Variants in TCF7L1 observed in about 807,000 individuals in gnomAD.
TCF7L1 encodes the protein transcription factor 7 like 1.
TCF7L1 carries 18 observed loss-of-function variants against 63.7 expected under a neutral mutation model. The observed-to-expected ratio is 0.28, with a 90% CI of 0.20 to 0.42. The LOEUF is 0.42. Ranked by LOEUF, TCF7L1 falls within the 10% of genes least tolerant of loss-of-function variation. TCF7L1 has a pLI of 1.00. For synonymous variants in TCF7L1, 355 were observed against 340.9 expected (o/e 1.04, Z -0.46); for missense variants, 654 against 779.3 (o/e 0.84, Z 1.91).
intron 3 of TCF7L1, chr2:85,186,903 G>A (rs1455046173): frequency 6.6e-6 from 1 of 152,150 alleles, no homozygotes; most frequent in East Asian, 1.9e-4. Flanking sequence ...AAACAACAAC[G>A]AACTGCCACC....
chr2:85,264,982 C>G (rs1680934787), intron 3 of TCF7L1, among the ~76,000 whole-genome samples: 1 of 152,092 alleles, frequency 6.6e-6, no homozygotes, highest in Non-Finnish European at 1.5e-5. Flanking sequence ...CCATTTTTAC[C>G]AGAAACTTCC....
chr2:85,229,305 C>G (rs1680022919), intron 3 of TCF7L1, among the ~76,000 whole-genome samples: 3 of 152,142 alleles, frequency 2.0e-5, no homozygotes, highest in Admixed American at 2.0e-4. Flanking sequence ...TGAGATCGTG[C>G]CAGTGCACTC....
At chr2:85,185,595 A>G (rs1228931674) in intron 3 of TCF7L1, among the ~76,000 whole-genome samples, 1 of 152,104 alleles carries the variant, frequency 6.6e-6, no homozygotes, top group East Asian at 1.9e-4. Context: ...TATGTGGCCC[A>G]GCTCCAGAGA....
intron 3 of TCF7L1, among the ~76,000 whole-genome samples, chr2:85,275,684 G>T (rs368305670): frequency 6.6e-6 from 1 of 152,112 alleles, no homozygotes; most frequent in African/African-American, 2.4e-5. Flanking sequence ...ATTGGGAGGT[G>T]AAGGCGGGCA....
intron 11 of TCF7L1, 58 bp downstream of exon 11, chr2:85,307,775 GC>G: frequency 6.7e-7 from 1 of 1,493,024 alleles, no homozygotes; most frequent in Non-Finnish European, 9.3e-7. Context: ...AGCCACACCT[GC>G]CCATGCTGTC....
At chr2:85,140,155 C>T (rs55974301) in intron 3 of TCF7L1, among the ~76,000 whole-genome samples, 4,019 of 152,230 alleles carry the variant, frequency 0.026, 75 homozygotes, top group Non-Finnish European at 0.034. Context: ...CAAGCTCAGG[C>T]ACCTGGAGAC....
intron 3 of TCF7L1, among the ~76,000 whole-genome samples, chr2:85,279,609 A>G (rs1392642265): frequency 1.3e-5 from 2 of 152,132 alleles, no homozygotes; most frequent in African/African-American, 2.4e-5. Context: ...TGTGATGCAG[A>G]GGCCGTCCAT....
At chr2:85,254,553 C>T (rs1680664070) in intron 3 of TCF7L1, among the ~76,000 whole-genome samples, 1 of 152,218 alleles carries the variant, frequency 6.6e-6, no homozygotes, top group Non-Finnish European at 1.5e-5. Flanking sequence ...CAAAGGTAAA[C>T]TCCAGCACCC....
intron 3 of TCF7L1, among the ~76,000 whole-genome samples, chr2:85,240,951 T>C (rs1010394954): frequency 2.6e-5 from 4 of 152,194 alleles, no homozygotes; most frequent in Non-Finnish European, 5.9e-5. Context: ...TGTGATGCTT[T>C]TTGTTAAGTT....
Position 85,304,308 on chromosome 2 carries a change from CCGCCCTCGCCAT to C in TCF7L1, c.816_827del (p.Ala273_Met276del). The stretch of plus-strand genomic sequence containing the variant: ...CCCGGTGGCTTCCGGCACCCTTACC[CCGCCCTCGCCAT>C]GAACGCCTCGATGTCCAGGTGAGTC... On this transcript the variant is annotated inframe_deletion, in exon 7 of 12. Transcript: ENST00000282111. The C allele has an allele frequency of 6.2e-7, 1 of 1,614,120 alleles. No homozygotes were observed. Among genetic ancestry groups the C allele is most frequent in the Non-Finnish European group, 8.5e-7 (1 of 1,180,016 alleles).
At chr2:85,247,217 C>A (rs72840009) in intron 3 of TCF7L1, among the ~76,000 whole-genome samples, 7,968 of 152,246 alleles carry the variant, frequency 0.052, 288 homozygotes, top group Non-Finnish European at 0.078. Flanking sequence ...AGCACACTAC[C>A]TTTTATTGTT....
At chr2:85,219,308 A>G (rs1428522069) in intron 3 of TCF7L1, among the ~76,000 whole-genome samples, 1 of 152,200 alleles carries the variant, frequency 6.6e-6, no homozygotes, top group Admixed American at 6.5e-5. Context: ...TAAATGACAC[A>G]TTTGCGTATT....
Position 85,302,578 on chromosome 2 carries a change from C to CAAA in TCF7L1, c.620_621insAAA (p.Pro207_Pro208insAsn). 2.5e-6 allele frequency: 4 copies of CAAA among 1,583,182 alleles called. No homozygotes were observed. Among genetic ancestry groups the CAAA allele is most frequent in the Non-Finnish European group, 2.6e-6 (3 of 1,154,214 alleles). ...AATGACCACTTCTCCCCCGGCTCCC[C>CAAA]TCCCACCCACCTCTCCCCAGAGATC... is the stretch of plus-strand genomic sequence containing the variant. On this transcript the variant is annotated inframe_insertion, in exon 5 of 12. Coordinates refer to ENST00000282111, the MANE Select transcript of TCF7L1 (RefSeq NM_031283.3).
At chr2:85,197,076 C>T (rs1416169940) in intron 3 of TCF7L1, among the ~76,000 whole-genome samples, 2 of 152,212 alleles carry the variant, frequency 1.3e-5, no homozygotes, top group Admixed American at 6.5e-5. Flanking sequence ...TTACCACCCC[C>T]AGCCTAAGTA....
chr2:85,256,521 A>T (rs767233012), intron 3 of TCF7L1, among the ~76,000 whole-genome samples: 1 of 152,224 alleles, frequency 6.6e-6, no homozygotes, highest in Non-Finnish European at 1.5e-5. Context: ...TTCCGGACAC[A>T]CAATCAATTA....
intron 3 of TCF7L1, among the ~76,000 whole-genome samples, chr2:85,236,995 G>A (rs1680206834): frequency 6.6e-6 from 1 of 152,144 alleles, no homozygotes; most frequent in Non-Finnish European, 1.5e-5. Context: ...TCTGATCTCA[G>A]ATAACCTGCA....
chr2:85,209,640 GGT>G (rs1679499477), intron 3 of TCF7L1, among the ~76,000 whole-genome samples: 1 of 152,118 alleles, frequency 6.6e-6, no homozygotes, highest in Non-Finnish European at 1.5e-5. Context: ...AATCATCACA[GGT>G]GCTTGTCGAA....
chr2:85,257,966 G>A (rs1042602196), intron 3 of TCF7L1, among the ~76,000 whole-genome samples: 14 of 152,112 alleles, frequency 9.2e-5, no homozygotes, highest in Non-Finnish European at 2.1e-4. Context: ...GTCAAATCCT[G>A]GCTCCACAAC....
intron 4 of TCF7L1, among the ~76,000 whole-genome samples, chr2:85,295,860 C>T (rs558869530): frequency 6.8e-6 from 1 of 147,392 alleles, no homozygotes; most frequent in Non-Finnish European, 1.5e-5. Context: ...TCACTGCAGC[C>T]TCCGCCTCCT....
Sources: allele counts gnomAD v4.1 joint callset (sites outside exome capture counted in the v4.1 genomes callset), GRCh38; gene constraint gnomAD v4.1.1; transcripts MANE v1.5; gene names NCBI Gene and HGNC (gene_info 2026-07-23, HGNC 2026-07-21).